EFNA5: variants seen among roughly 807,000 people sequenced by gnomAD.
EFNA5 encodes the protein ephrin A5, also known as ephrin-A5.
Under a neutral mutation model 22.9 loss-of-function variants are expected in EFNA5, and 5 were observed. The ratio of observed to expected loss-of-function variants is 0.22; its 90% CI spans 0.11 to 0.46. The LOEUF (loss-of-function observed/expected upper bound fraction) is 0.46. EFNA5 is among the 20% of genes least tolerant of loss of function. The probability of loss-of-function intolerance (pLI) is 0.99; values close to 1 mark genes in which losing one functional copy is unlikely to be tolerated. For missense variants in EFNA5, 237 were observed against 293.3 expected, an observed-to-expected ratio of 0.81 and a Z score of 1.40; for synonymous variants, 113 against 112.2, an observed-to-expected ratio of 1.01 and a Z score of -0.04.
chr5:107,497,336 G>A (rs1398924986), intron 1 of EFNA5, among the ~76,000 whole-genome samples: 1 of 152,210 alleles, frequency 6.6e-6, no homozygotes, highest in Non-Finnish European at 1.5e-5. Flanking sequence ...TTATGTAACT[G>A]TATTGGTATA....
chr5:107,523,601 C>T (rs1747638999), intron 1 of EFNA5, among the ~76,000 whole-genome samples: 1 of 152,240 alleles, frequency 6.6e-6, no homozygotes, highest in African/African-American at 2.4e-5. Context: ...CAACTTCAGT[C>T]TGTCCAAGAG....
At chr5:107,629,030 T>G (rs542152000) in intron 1 of EFNA5, among the ~76,000 whole-genome samples, 1 of 152,278 alleles carries the variant, frequency 6.6e-6, no homozygotes, top group Non-Finnish European at 1.5e-5. Context: ...CATTTATTTG[T>G]CTCTAGTGAA....
chr5:107,638,081 C>T (rs1036374195), intron 1 of EFNA5, among the ~76,000 whole-genome samples: 2 of 151,880 alleles, frequency 1.3e-5, no homozygotes, highest in Non-Finnish European at 2.9e-5. Context: ...TCTCGATCTC[C>T]TGACCTCATG....
chr5:107,670,513 A>C lies in EFNA5; in HGVS notation c.101T>G (p.Val34Gly). 6.3e-7 allele frequency: 1 copy of C among 1,574,830 alleles called. No individual in the cohort carries two copies. The highest frequency in any genetic ancestry group is 8.6e-7 in the Non-Finnish European group (1 of 1,159,068). ...GSKAVADRYAVYWNSSNPRFQ... is the reference protein window; with the variant it reads ...GSKAVADRYAGYWNSSNPRFQ... ...CCTGGGGTTGCTGCTGTTCCAGTAG[A>C]CAGCGTAGCGGTCGGCGACGGCCTT... Residue 34 changes from valine to glycine, a missense_variant, in exon 1 of 5, where the codon GTC becomes GGC. Coordinates refer to ENST00000333274, the MANE Select transcript of EFNA5 (RefSeq NM_001962.3).
At position 107,417,593 on chromosome 5, in the gene EFNA5, G is replaced by A. The variant is rs544867111; in HGVS notation, c.418+9624C>T. ...GTTCTCTGCATTAATAATAAAGAAA[G>A]AGAAAACAGAAAACTTGATAGCCAC... On this transcript the variant is annotated intron_variant, in intron 2 of 4. Coordinates refer to ENST00000333274, the MANE Select transcript of EFNA5 (RefSeq NM_001962.3). Among the ~76,000 whole-genome samples the A allele has an allele frequency of 2.6e-5, 4 of 152,254 alleles. 1 individual carries two copies. Among genetic ancestry groups the A allele is most frequent in the South Asian group, 2.1e-4 (1 of 4,824 alleles).
In EFNA5 at chr5:107,417,892, T is replaced by C. The variant is rs888507878; in HGVS notation, c.418+9325A>G. 1.8e-4 allele frequency among the ~76,000 whole-genome samples: 28 copies of C among 152,120 alleles called. 1 individual carries two copies. Among genetic ancestry groups the C allele is most frequent in the Admixed American group, 1.2e-3 (19 of 15,274 alleles). On this transcript the variant is annotated intron_variant, in intron 2 of 4. Coordinates refer to ENST00000333274, the MANE Select transcript of EFNA5 (RefSeq NM_001962.3). ...GAGTTACATGACCATTTGGTGAAAA[T>C]AGAGCAAGAATAGATGAGTGGGAAA...
chr5:107,435,359 C>A (rs968201205), intron 1 of EFNA5, among the ~76,000 whole-genome samples: 1 of 130,536 alleles, frequency 7.7e-6, no homozygotes, highest in Non-Finnish European at 1.5e-5. Context: ...GAGGTTAAAG[C>A]ATCGAATACA....
intron 1 of EFNA5, among the ~76,000 whole-genome samples, chr5:107,514,239 A>G (rs1747432510): frequency 6.6e-6 from 1 of 152,172 alleles, no homozygotes; most frequent in Non-Finnish European, 1.5e-5. Context: ...GGGGCTCCTC[A>G]TCAGGTAGAG....
At chr5:107,503,274 T>C (rs1164578763) in intron 1 of EFNA5, among the ~76,000 whole-genome samples, 4 of 152,178 alleles carry the variant, frequency 2.6e-5, no homozygotes, top group Non-Finnish European at 5.9e-5. Context: ...GTGAACAAAA[T>C]ACTACCTGAT....
At chr5:107,551,639 T>G (rs1748300231) in intron 1 of EFNA5, among the ~76,000 whole-genome samples, 1 of 152,130 alleles carries the variant, frequency 6.6e-6, no homozygotes, top group Non-Finnish European at 1.5e-5. Flanking sequence ...AGCAACTCCC[T>G]GCCGATCTCC....
At chr5:107,532,862 A>G (rs1337447208) in intron 1 of EFNA5, among the ~76,000 whole-genome samples, 1 of 152,238 alleles carries the variant, frequency 6.6e-6, no homozygotes, top group Non-Finnish European at 1.5e-5. Flanking sequence ...CGCCAGACAC[A>G]AGATTACCTA....
Position 107,670,759 on chromosome 5 carries a change from AAG to A in EFNA5, c.-148_-147del, listed in dbSNP as rs1231266562. ...AAAAATGAAAGTGGGCGAGAAAGGA[AAG>A]AGGCGCCCACCAAGCTGGGGAGGGG... On this transcript the variant is annotated 5_prime_UTR_variant, in exon 1 of 5. Coordinates refer to ENST00000333274, the MANE Select transcript of EFNA5 (RefSeq NM_001962.3). 8.6e-6 allele frequency: 10 copies of A among 1,164,250 alleles called. No individual in the cohort carries two copies. In the Admixed American group the frequency reaches 1.6e-4, roughly 19 times the overall value. 72.1% of individuals were successfully genotyped at this position (1,164,250 alleles called of 1,614,324 possible). A position where few individuals can be genotyped will look rare whatever the true frequency, so the allele number is the denominator to read the frequency against.
Position 107,517,544 on chromosome 5 carries a change from T to C in EFNA5, c.126-90035A>G, listed in dbSNP as rs251965. ...GAGAAAAGTTTAAAAGTGCTCACTA[T>C]CATTATTATCCTTTTAGCCTCTTCT... On this transcript the variant is annotated intron_variant, in intron 1 of 4. Transcript: ENST00000333274. 9.9e-3 allele frequency among the ~76,000 whole-genome samples: 1,507 copies of C among 152,340 alleles called. 32 individuals carry two copies. Among genetic ancestry groups the C allele is most frequent in the African/African-American group, 0.035 (1,453 of 41,562 alleles).
intron 1 of EFNA5, among the ~76,000 whole-genome samples, chr5:107,517,607 C>G (rs1157989157): frequency 6.6e-6 from 1 of 152,086 alleles, no homozygotes; most frequent in Non-Finnish European, 1.5e-5. Flanking sequence ...CTGTATATGC[C>G]AAGATATGAA....
At chr5:107,405,102 A>C (rs1748173813) in intron 2 of EFNA5, among the ~76,000 whole-genome samples, 2 of 152,346 alleles carry the variant, frequency 1.3e-5, no homozygotes, top group South Asian at 4.1e-4. Context: ...TAATGTTCCA[A>C]GAAGAAAACT....
At chr5:107,435,204 G>T (rs1298041789) in intron 1 of EFNA5, among the ~76,000 whole-genome samples, 1 of 152,058 alleles carries the variant, frequency 6.6e-6, no homozygotes, top group Non-Finnish European at 1.5e-5. Flanking sequence ...GAGGAGATGG[G>T]CAGGACAGCA....
intron 1 of EFNA5, among the ~76,000 whole-genome samples, chr5:107,643,848 T>C (rs897629188): frequency 6.7e-5 from 10 of 150,226 alleles, no homozygotes; most frequent in Admixed American, 4.7e-4. Context: ...TCATTAATTC[T>C]TCTTTATAGC....
At chr5:107,512,638 T>C (rs1747395515) in intron 1 of EFNA5, among the ~76,000 whole-genome samples, 1 of 151,960 alleles carries the variant, frequency 6.6e-6, no homozygotes, top group East Asian at 1.9e-4. Context: ...ACACACACCA[T>C]GGTGTTTTTG....
intron 1 of EFNA5, among the ~76,000 whole-genome samples, chr5:107,548,532 A>G (rs1016323646): frequency 2.6e-5 from 4 of 152,220 alleles, no homozygotes; most frequent in African/African-American, 9.6e-5. Context: ...ATTGACAGGT[A>G]AAACTTGAAA....
Sources: gnomAD v4.1 joint callset for allele counts (sites outside exome capture counted in the v4.1 genomes callset) on GRCh38, gnomAD v4.1.1 for gene constraint, MANE v1.5 for transcripts, NCBI Gene and HGNC (gene_info 2026-07-23, HGNC 2026-07-21) for gene names.